The following ASXL3 variants were observed in gnomAD, a reference collection of about 807,000 sequenced individuals.
ASXL3 encodes putative Polycomb group protein ASXL3.
ASXL3 carries 34 observed loss-of-function variants against 170.6 expected under a neutral mutation model. The observed-to-expected ratio is 0.20, with a 90% CI of 0.15 to 0.27. The LOEUF (loss-of-function observed/expected upper bound fraction) is 0.27, where lower values mean the gene tolerates loss of function less well. ASXL3 is among the 10% of genes least tolerant of loss of function. The pLI, the probability that ASXL3 is intolerant of heterozygous loss-of-function variation, is 1.00. For synonymous variants in ASXL3, 1,002 were observed against 989.1 expected (o/e 1.01, Z -0.24); for missense variants, 2,592 against 2,695.3 (o/e 0.96, Z 0.85).
intron 4 of ASXL3, among the ~76,000 whole-genome samples, chr18:33,650,756 C>T (rs566092552): frequency 3.9e-5 from 6 of 152,200 alleles, no homozygotes; most frequent in East Asian, 1.9e-4. Context: ...AAGTTGCATT[C>T]GGGAAATTAC....
intron 8 of ASXL3, among the ~76,000 whole-genome samples, chr18:33,685,699 G>A (rs2066583194): frequency 6.6e-6 from 1 of 152,140 alleles, no homozygotes; most frequent in Non-Finnish European, 1.5e-5. Context: ...CTTCTGATGA[G>A]GGCCTCAGGA....
intron 2 of ASXL3, 39 bp downstream of exon 2, chr18:33,607,715 A>T: frequency 6.8e-6 from 10 of 1,460,856 alleles, no homozygotes; most frequent in Non-Finnish European, 8.4e-6. Context: ...GTTTTCATTA[A>T]ATAATAATTG....
intron 7 of ASXL3, among the ~76,000 whole-genome samples, chr18:33,679,885 A>G (rs969099095): frequency 1.3e-5 from 2 of 151,920 alleles, no homozygotes; most frequent in Non-Finnish European, 2.9e-5. Flanking sequence ...ATTCCTCTTC[A>G]CATTTGTTTA....
At chr18:33,589,378 A>G (rs973848432) in intron 1 of ASXL3, among the ~76,000 whole-genome samples, 25 of 152,174 alleles carry the variant, frequency 1.6e-4, no homozygotes, top group Non-Finnish European at 2.6e-4. Context: ...CACTGACTCT[A>G]GACTTGCCTT....
chr18:33,666,119 A>G lies in ASXL3; in HGVS notation c.477+4382A>G, dbSNP rs542090387. Among the ~76,000 whole-genome samples, 54 of 152,294 alleles carry G rather than the reference A, an allele frequency of 3.5e-4. 1 individual carries two copies. Among genetic ancestry groups the G allele is most frequent in the South Asian group, 2.1e-3 (10 of 4,822 alleles). ...GACCGGCTTGAAGGTACATTCCTTC[A>G]TAGTAGACTGCATTTACAGTCACCA... On this transcript the variant is annotated intron_variant, in intron 5 of 11. Coordinates refer to ENST00000269197, the MANE Select transcript of ASXL3 (RefSeq NM_030632.3).
intron 4 of ASXL3, among the ~76,000 whole-genome samples, chr18:33,649,948 G>C (rs2065972193): frequency 6.6e-6 from 1 of 152,070 alleles, no homozygotes; most frequent in South Asian, 2.1e-4. Flanking sequence ...TAGGCCATGT[G>C]TGCACTCAAG....
rs114340795 is a variant in ASXL3 at position 33,612,106 on chromosome 18, G to T, written c.137+4430G>T. Among the ~76,000 whole-genome samples, 629 of 152,064 alleles carry T rather than the reference G, an allele frequency of 4.1e-3. 7 individuals carry two copies. The highest frequency in any genetic ancestry group is 0.014 in the African/African-American group (599 of 41,488). On this transcript the variant is annotated intron_variant, in intron 2 of 11. Coordinates refer to ENST00000269197, the MANE Select transcript of ASXL3 (RefSeq NM_030632.3). The stretch of plus-strand genomic sequence containing the variant: ...AAGATACCTGTCATTAATGTAGCAT[G>T]AACTGTGATTTAGTTTTTATATTAT...
intron 4 of ASXL3, among the ~76,000 whole-genome samples, chr18:33,647,261 C>A (rs1324405747): frequency 1.3e-5 from 2 of 152,148 alleles, no homozygotes; most frequent in East Asian, 3.9e-4. Flanking sequence ...ACTGAATGCT[C>A]TCTTTAAACT....
intron 11 of ASXL3, 49 bp downstream of exon 11, chr18:33,740,492 A>T (rs2067645385): frequency 1.4e-6 from 2 of 1,440,178 alleles, no homozygotes; most frequent in African/African-American, 2.9e-5. Flanking sequence ...GGCTTTTCCT[A>T]TTTAGAAGCC....
intron 8 of ASXL3, among the ~76,000 whole-genome samples, chr18:33,714,242 C>T (rs946739106): frequency 3.3e-5 from 5 of 152,150 alleles, no homozygotes; most frequent in Middle Eastern, 3.2e-3. Context: ...TGTGTTCATA[C>T]TTTGTGTTGC....
intron 1 of ASXL3, among the ~76,000 whole-genome samples, chr18:33,586,074 A>T (rs756121027): frequency 1.2e-4 from 18 of 152,184 alleles, no homozygotes; most frequent in Non-Finnish European, 2.4e-4. Flanking sequence ...CATTTCTAAG[A>T]TACTATTAAC....
At chr18:33,616,177 T>C (rs16964802) in intron 2 of ASXL3, among the ~76,000 whole-genome samples, 13,703 of 152,144 alleles carry the variant, frequency 0.09, 699 homozygotes, top group African/African-American at 0.12. Flanking sequence ...GAGTAGAAAA[T>C]CATTATGTGA....
chr18:33,673,373 A>ATT (rs150226666), intron 7 of ASXL3, among the ~76,000 whole-genome samples: 1 of 138,704 alleles, frequency 7.2e-6, no homozygotes, highest in Admixed American at 7.1e-5. Flanking sequence ...GATCTTCAGT[A>ATT]TTTTTTTTTT....
At chr18:33,641,875 A>C (rs1190011120) in intron 2 of ASXL3, 1 of 152,502 alleles carries the variant, frequency 6.6e-6, no homozygotes, top group Non-Finnish European at 1.5e-5. Flanking sequence ...TGGATGTTTT[A>C]TTATTTCATA....
intron 5 of ASXL3, among the ~76,000 whole-genome samples, chr18:33,667,365 G>C (rs1173214910): frequency 6.6e-6 from 1 of 152,116 alleles, no homozygotes; most frequent in East Asian, 1.9e-4. Context: ...GTCTGGGGAG[G>C]CTAGAAGGGA....
Position 33,739,020 on chromosome 18 carries a change from T to G in ASXL3, c.1616T>G (p.Val539Gly). ...ACAGTTGTTATCGATCAGTTAGAAG[T>G]CTGTGACTCTCTTATTCCTTCCACT... ...EMTVVIDQLE[V>G]CDSLIPSTSS... is the part of the protein sequence containing the mutation. The change falls in exon 11 of 12, where the codon GTC becomes GGC. Residue 539 changes from valine (V) to glycine (G), a missense_variant. Around this residue, in one of 4 missense-constraint regions of ASXL3, gnomAD observed 2,246 missense variants for 2,219.6 expected, o/e 1.01. Coordinates refer to ENST00000269197, the MANE Select transcript of ASXL3 (RefSeq NM_030632.3). 1 of 1,613,544 alleles carries G rather than the reference T, an allele frequency of 6.2e-7. No homozygotes were observed. Among genetic ancestry groups the G allele is most frequent in the Non-Finnish European group, 8.5e-7 (1 of 1,179,694 alleles).
chr18:33,710,009 A>G (rs1462610677), intron 8 of ASXL3, among the ~76,000 whole-genome samples: 1 of 152,080 alleles, frequency 6.6e-6, no homozygotes, highest in Non-Finnish European at 1.5e-5. Flanking sequence ...TAATCCCAGC[A>G]CTTTGGGAGG....
chr18:33,638,814 C>T (rs1012975481), intron 2 of ASXL3, among the ~76,000 whole-genome samples: 57 of 152,212 alleles, frequency 3.7e-4, no homozygotes, highest in African/African-American at 1.3e-3. Context: ...AAAGCCCAGG[C>T]ACATTATAGA....
chr18:33,712,485 G>GT (rs1305895674), intron 8 of ASXL3, among the ~76,000 whole-genome samples: 7 of 152,202 alleles, frequency 4.6e-5, no homozygotes, highest in African/African-American at 1.7e-4. Flanking sequence ...AATCTCTTTT[G>GT]TATTTCAGAC....
Sources: gnomAD v4.1 joint callset for allele counts (sites outside exome capture counted in the v4.1 genomes callset) on GRCh38, gnomAD v4.1.1 for gene constraint, gnomAD v4.1.1 regional missense constraint, MANE v1.5 for transcripts, NCBI Gene and HGNC (gene_info 2026-07-23, HGNC 2026-07-21) for gene names.